TAFA5: variants seen among roughly 807,000 people sequenced by gnomAD.
The protein encoded by TAFA5 is TAFA chemokine like family member 5, also known as chemokine-like protein TAFA-5.
In TAFA5, 6 loss-of-function variants were observed where a neutral mutation model predicts 15.3. That is an observed-to-expected ratio of 0.39 (90% confidence interval 0.21 to 0.77). TAFA5 has a LOEUF of 0.77. Ranked by LOEUF, TAFA5 falls within the 30% of genes least tolerant of loss-of-function variation. TAFA5 has a pLI of 0.41. For synonymous variants in TAFA5, 103 were observed against 80.7 expected, an observed-to-expected ratio of 1.28 and a Z score of -1.48; for missense variants, 161 against 193.1, an observed-to-expected ratio of 0.83 and a Z score of 0.98.
rs762174018 is a variant in TAFA5 at position 48,646,610 on chromosome 22, C to T, written c.126C>T (p.Ala42=). The T allele has an allele frequency of 2.0e-5, 33 of 1,612,350 alleles. No individual in the cohort carries two copies. The highest frequency in any genetic ancestry group is 2.2e-5 in the East Asian group (1 of 44,882). The change falls in exon 2 of 4, where the codon GCC becomes GCT. Residue 42 remains alanine (A), a synonymous_variant. Transcript: ENST00000402357. The stretch of plus-strand genomic sequence containing the variant: ...TCCTCTCTGCAGGTCAGCTGGCCGC[C>T]GGCACCTGTGAGATTGTGACCTTGG... ...LLIAYCSQLA[A]GTCEIVTLDR...
In TAFA5 at chr22:48,544,826, G is replaced by T. The variant is rs1428987316; in HGVS notation, c.112+55122G>T. On this transcript the variant is annotated intron_variant, in intron 1 of 3. Coordinates refer to ENST00000402357, the MANE Select transcript of TAFA5 (RefSeq NM_001082967.3). ...GCCTGCAAACAAGGTGTGGCCTGGG[G>T]TCCCACGCTGCCTCTGAGGTGAGAG... 6.4e-6 allele frequency: 3 copies of T among 471,236 alleles called. No homozygotes were observed. In the Admixed American group the frequency reaches 7.0e-5, roughly 11 times the overall value. The allele number at this position is 471,236 out of a possible 1,614,324, so 29.2% of individuals were successfully genotyped here.
In TAFA5 at chr22:48,614,105, C is replaced by T. The variant is rs558596847; in HGVS notation, c.113-32492C>T. Among the ~76,000 whole-genome samples the T allele has an allele frequency of 6.6e-5, 10 of 152,278 alleles. No homozygotes were observed. The South Asian group carries it at 1.2e-3, about 19-fold the overall frequency. ...CCGACGGGTGTTATCTCAGGACAGC[C>T]GGTGTGCTTGGCTACATCACCCCTG... On this transcript the variant is annotated intron_variant, in intron 1 of 3. Coordinates refer to ENST00000402357, the MANE Select transcript of TAFA5 (RefSeq NM_001082967.3).
At chr22:48,649,538 C>G (rs1275603620) in intron 2 of TAFA5, among the ~76,000 whole-genome samples, 1 of 152,312 alleles carries the variant, frequency 6.6e-6, no homozygotes, top group East Asian at 1.9e-4. Context: ...TAGAAGGCAT[C>G]TGATTAAACA....
intron 1 of TAFA5, among the ~76,000 whole-genome samples, chr22:48,528,752 G>A (rs1420519878): frequency 3.9e-5 from 6 of 152,228 alleles, no homozygotes; most frequent in Non-Finnish European, 8.8e-5. Flanking sequence ...AAGTGTGCGT[G>A]CAGGGCCGGT....
In TAFA5 at chr22:48,566,013, T is replaced by A. The variant is rs555575550; in HGVS notation, c.112+76309T>A. On this transcript the variant is annotated intron_variant, in intron 1 of 3. Coordinates refer to ENST00000402357, the MANE Select transcript of TAFA5 (RefSeq NM_001082967.3). This position sits in a 1 kb window ranked among gnomAD's most constrained non-coding sequence, Gnocchi z 4.5. ...ACAGATGGATGTATGATGGATGGAT[T>A]GTGGCTAGATGGATGACGGATAGAT... 6.7e-6 allele frequency among the ~76,000 whole-genome samples: 1 copy of A among 150,304 alleles called. No individual in the cohort carries two copies. The highest frequency in any genetic ancestry group is 2.0e-4 in the East Asian group (1 of 5,010).
At chr22:48,584,829 G>A (rs534015639) in intron 1 of TAFA5, among the ~76,000 whole-genome samples, 6 of 136,872 alleles carry the variant, frequency 4.4e-5, no homozygotes, top group South Asian at 2.4e-4. Context: ...GCATACACAC[G>A]TATACAACAC....
intron 1 of TAFA5, among the ~76,000 whole-genome samples, chr22:48,506,717 A>G (rs1033748709): frequency 6.6e-6 from 1 of 152,206 alleles, no homozygotes; most frequent in African/African-American, 2.4e-5. Context: ...CGCTCAGGGC[A>G]CACGGCAAAT....
intron 1 of TAFA5, among the ~76,000 whole-genome samples, chr22:48,642,078 T>C (rs1926703352): frequency 6.6e-6 from 1 of 151,288 alleles, no homozygotes; most frequent in Non-Finnish European, 1.5e-5. Context: ...GGGCCTGCAC[T>C]TTTCTGAGGG....
At chr22:48,662,193 C>A (rs1029649570) in intron 2 of TAFA5, among the ~76,000 whole-genome samples, 1 of 152,006 alleles carries the variant, frequency 6.6e-6, no homozygotes, top group Admixed American at 6.6e-5. Context: ...GTGGGGACAG[C>A]GGGAGGAGCT....
Position 48,679,718 on chromosome 22 carries a change from C to T in TAFA5, c.263-27999C>T, listed in dbSNP as rs1348635710. On this transcript the variant is annotated intron_variant, in intron 2 of 3. Coordinates refer to ENST00000402357, the MANE Select transcript of TAFA5 (RefSeq NM_001082967.3). ...TCCCGTCTCCCCGTCCATCCCTCTCCCGGCTCCCCGTCCATCCCTCTCCTG... is the reference window on the plus strand; with the variant it reads ...TCCCGTCTCCCCGTCCATCCCTCTCTCGGCTCCCCGTCCATCCCTCTCCTG... Among the ~76,000 whole-genome samples, 2 of 122,600 alleles carry T rather than the reference C, an allele frequency of 1.6e-5. 1 individual carries two copies. Among genetic ancestry groups the T allele is most frequent in the African/African-American group, 6.4e-5 (2 of 31,420 alleles). The allele number at this position is 122,600 out of a possible 152,430, so 80.4% of individuals were successfully genotyped here. A position where few individuals can be genotyped will look rare whatever the true frequency, so the allele number is the denominator to read the frequency against.
intron 2 of TAFA5, among the ~76,000 whole-genome samples, chr22:48,688,565 C>T (rs905150916): frequency 2.0e-5 from 3 of 152,208 alleles, no homozygotes; most frequent in African/African-American, 7.2e-5. Flanking sequence ...TCTTAACTCC[C>T]CCTGGCTGCT....
intron 1 of TAFA5, among the ~76,000 whole-genome samples, chr22:48,505,281 G>A (rs1410238188): frequency 6.6e-6 from 1 of 152,216 alleles, no homozygotes; most frequent in African/African-American, 2.4e-5. Flanking sequence ...TGGCTTAGCT[G>A]TTGGCCTTTG....
intron 1 of TAFA5, among the ~76,000 whole-genome samples, chr22:48,492,736 C>T (rs1344467852): frequency 6.6e-6 from 1 of 152,190 alleles, no homozygotes; most frequent in African/African-American, 2.4e-5. Context: ...ACGGTGACAG[C>T]AGGCTTGGTT....
intron 1 of TAFA5, among the ~76,000 whole-genome samples, chr22:48,586,240 T>G (rs1924355166): frequency 1.3e-5 from 2 of 152,262 alleles, no homozygotes; most frequent in Non-Finnish European, 2.9e-5. Context: ...CTTCTCTCTA[T>G]GACCCCAGGC....
chr22:48,698,825 G>A (rs892008480), intron 2 of TAFA5, among the ~76,000 whole-genome samples: 2 of 150,892 alleles, frequency 1.3e-5, no homozygotes, highest in East Asian at 2.0e-4. Context: ...GCTTACCTGC[G>A]AGAGACCCTT....
rs946732639 is a variant in TAFA5, at chr22:48,671,539, C to T, written c.262+24793C>T. 5.3e-5 allele frequency among the ~76,000 whole-genome samples: 8 copies of T among 152,148 alleles called. No individual in the cohort carries two copies. In the South Asian group the frequency reaches 1.4e-3, roughly 28 times the overall value. ...AAGCCATCCAGAGTGGTGGTTCCTTCAGAGGCTTGTGTTCTGGGAGCATGA... is the reference window on the plus strand; with the variant it reads ...AAGCCATCCAGAGTGGTGGTTCCTTTAGAGGCTTGTGTTCTGGGAGCATGA... On this transcript the variant is annotated intron_variant, in intron 2 of 3. Coordinates refer to ENST00000402357, the MANE Select transcript of TAFA5 (RefSeq NM_001082967.3).
chr22:48,551,416 T>C (rs113538760), intron 1 of TAFA5, among the ~76,000 whole-genome samples: 5,525 of 152,186 alleles, frequency 0.036, 329 homozygotes, highest in African/African-American at 0.12. Flanking sequence ...TCTCACCTCC[T>C]GGGCAAGGCC....
intron 1 of TAFA5, among the ~76,000 whole-genome samples, chr22:48,520,824 C>T (rs368162960): frequency 6.6e-6 from 1 of 152,076 alleles, no homozygotes; most frequent in Non-Finnish European, 1.5e-5. Flanking sequence ...TCTGGAAGGT[C>T]GGGAAAAGCC....
chr22:48,656,258 A>G (rs1927240174), intron 2 of TAFA5, among the ~76,000 whole-genome samples: 1 of 152,108 alleles, frequency 6.6e-6, no homozygotes, highest in African/African-American at 2.4e-5. Flanking sequence ...AATTTTCAGG[A>G]AATGTGTGAA....
Sources: gnomAD v4.1 joint callset for allele counts (sites outside exome capture counted in the v4.1 genomes callset) on GRCh38, gnomAD v4.1.1 for gene constraint, Gnocchi (gnomAD v3.1) non-coding constraint, MANE v1.5 for transcripts, NCBI Gene and HGNC (gene_info 2026-07-23, HGNC 2026-07-21) for gene names.